The following EBLN1 variants were observed in gnomAD, a reference collection of about 807,000 sequenced individuals.
EBLN1 encodes the protein endogenous Bornavirus-like nucleoprotein 1.
A neutral mutation model predicts 0.8 loss-of-function variants in EBLN1; 1 was observed. The ratio of observed to expected loss-of-function variants is 1.32; its 90% CI spans 0.47 to 6.26. The LOEUF (loss-of-function observed/expected upper bound fraction) is 6.26. Ranked by LOEUF, EBLN1 falls within the 30% of genes most tolerant of loss-of-function variation. The pLI, the probability that EBLN1 is intolerant of heterozygous loss-of-function variation, is 0.15. For synonymous variants in EBLN1, 158 were observed against 158.5 expected, an observed-to-expected ratio of 1.00 and a Z score of 0.02; for missense variants, 396 against 447.9, an observed-to-expected ratio of 0.88 and a Z score of 1.05.
Position 22,209,936 on chromosome 10 carries a change from A to G in EBLN1, c.48T>C (p.Ser16=). The change falls in exon 3 of 3, where the codon AGT becomes AGC. Residue 16 remains serine (S), a synonymous_variant. Transcript: ENST00000422359. The part of the protein sequence containing the change: ...NNPQTSSPQD[S]TKDGSSFHYF... ...AATGGAAGCTGCTCCCATCCTTTGT[A>G]CTGTCTTGTGGGCTGCTGGTCTGTG... 6.9e-7 allele frequency: 1 copy of G among 1,455,760 alleles called. No homozygotes were observed. Among genetic ancestry groups the G allele is most frequent in the Non-Finnish European group, 9.0e-7 (1 of 1,110,608 alleles). The allele number at this position is 1,455,760 out of a possible 1,614,324, so 90.2% of individuals were successfully genotyped here. A position where few individuals can be genotyped will look rare whatever the true frequency, so the allele number is the denominator to read the frequency against.
At position 22,209,298 on chromosome 10, in the gene EBLN1, GCAA is replaced by G. The variant is rs1834723168; in HGVS notation, c.683_685del (p.Val228del). On this transcript the variant is annotated inframe_deletion, in exon 3 of 3. Transcript: ENST00000422359. ...GTAGGTCATCATCTGTGCTTTGCTGGCAACTACTTTAACTTGATCAAGTAGCTC... is the reference window on the plus strand; with the variant it reads ...GTAGGTCATCATCTGTGCTTTGCTGGCTACTTTAACTTGATCAAGTAGCTC... The G allele has an allele frequency of 6.3e-7, 1 of 1,596,988 alleles. No homozygotes were observed. Among genetic ancestry groups the G allele is most frequent in the Non-Finnish European group, 8.5e-7 (1 of 1,178,744 alleles).
chr10:22,214,750 G>T (rs1046935844), intron 1 of EBLN1, among the ~76,000 whole-genome samples: 18 of 152,184 alleles, frequency 1.2e-4, no homozygotes, highest in Non-Finnish European at 2.6e-4. Context: ...AATACTCAGC[G>T]TGGAGTTACC....
At position 22,209,856 on chromosome 10, in the gene EBLN1, G is replaced by C; in HGVS notation, c.128C>G (p.Ala43Gly). 1 of 1,526,762 alleles carries C rather than the reference G, an allele frequency of 6.5e-7. No homozygotes were observed. The highest frequency in any genetic ancestry group is 8.8e-7 in the Non-Finnish European group (1 of 1,142,820). 94.6% of individuals were successfully genotyped at this position (1,526,762 alleles called of 1,614,324 possible). The stretch of plus-strand genomic sequence containing the variant: ...TCCAATACCAGGTTGGGGCTCCAAT[G>C]CATCTGCTGGATACTGTCTGCTCTT... The part of the protein sequence containing the change: ...SGKSRQYPAD[A>G]LEPQPGIGDV... The change falls in exon 3 of 3, where the codon GCA (alanine) becomes GGA (glycine). Residue 43 changes from alanine (A) to glycine (G), a missense_variant. Ala to Gly is a moderately conservative substitution (Grantham distance 60, BLOSUM62 0). Coordinates refer to ENST00000422359, the MANE Select transcript of EBLN1 (RefSeq NM_001394757.1).
At chr10:22,215,985 TC>T (rs1332480187) in intron 1 of EBLN1, among the ~76,000 whole-genome samples, 5 of 152,176 alleles carry the variant, frequency 3.3e-5, no homozygotes, top group African/African-American at 1.2e-4. Flanking sequence ...ACTATTTTCT[TC>T]TTTTTTATAT....
chr10:22,216,510 A>C (rs1834793368), intron 1 of EBLN1, among the ~76,000 whole-genome samples: 1 of 152,228 alleles, frequency 6.6e-6, no homozygotes. Flanking sequence ...TTGCATCAAA[A>C]TGAGAATACT....
chr10:22,214,518 A>T lies in EBLN1; in HGVS notation c.-168-1553T>A, dbSNP rs138513112. Among the ~76,000 whole-genome samples the T allele has an allele frequency of 8.5e-3, 1,290 of 152,252 alleles. 20 individuals carry two copies. The highest frequency in any genetic ancestry group is 0.03 in the African/African-American group (1,227 of 41,556). ...ACAATGAAACAAGAGAAAATAAAAT[A>T]TTGACAGAACTGACAATGTAGAACT... On this transcript the variant is annotated intron_variant, in intron 1 of 2. Transcript: ENST00000422359.
At chr10:22,211,259 T>A (rs936038440) in intron 2 of EBLN1, among the ~76,000 whole-genome samples, 23 of 152,216 alleles carry the variant, frequency 1.5e-4, no homozygotes, top group Non-Finnish European at 3.4e-4. Flanking sequence ...TATTTTTCTT[T>A]GCATTAATTC....
chr10:22,213,482 A>G lies in EBLN1; in HGVS notation c.-168-517T>C, dbSNP rs1011072539. On this transcript the variant is annotated intron_variant, in intron 1 of 2. Transcript: ENST00000422359. ...AATAAAGGCAGCTCCAGAGCCCACT[A>G]CTCACCCAGGCTCCTTCCAAGATTA... 2.0e-5 allele frequency among the ~76,000 whole-genome samples: 3 copies of G among 152,104 alleles called. 1 individual carries two copies. The highest frequency in any genetic ancestry group is 2.0e-4 in the Admixed American group (3 of 15,278).
rs920199040 is a variant in EBLN1, at chr10:22,208,947, C to T, written c.1037G>A (p.Gly346Glu). The T allele has an allele frequency of 1.4e-5, 22 of 1,535,554 alleles. No homozygotes were observed. In the African/African-American group the frequency reaches 2.7e-4, roughly 19 times the overall value. ...QMASAQKISR[G>E]SDMDPYTLNI... ...AAGTGTATATGGATCCATGTCACTT[C>T]CTCTGGAGATTTTCTGAGCAGATGC... Residue 346 changes from glycine to glutamate, a missense_variant, in exon 3 of 3, where the codon GGA becomes GAA. Gly to Glu is a moderately conservative substitution (Grantham distance 98, BLOSUM62 -2). Transcript: ENST00000422359.
At chr10:22,212,727 A>G (rs1834764142) in intron 2 of EBLN1, among the ~76,000 whole-genome samples, 115 bp downstream of exon 2, 1 of 151,714 alleles carries the variant, frequency 6.6e-6, no homozygotes, top group South Asian at 2.1e-4. Context: ...AGGTGGGAGG[A>G]TCCCTTCAGT....
Position 22,209,070 on chromosome 10 carries a change from G to T in EBLN1, c.914C>A (p.Ala305Glu). ...ATTCCTTCTTTTGGCCCAGTAGTTT[G>T]CTGCTGTTGCTAGGTTTGGGAACAT... ...PQMFPNLATA[A>E]NYWAKRRNST... The change falls in exon 3 of 3, where the codon GCA becomes GAA. Residue 305 changes from alanine to glutamate, a missense_variant. Physicochemically the swap from Ala to Glu is moderately radical, Grantham distance 107. Transcript: ENST00000422359. The T allele has an allele frequency of 6.5e-7, 1 of 1,536,618 alleles. No homozygotes were observed.
Position 22,209,063 on chromosome 10 carries a change from G to A in EBLN1, c.921C>T (p.Tyr307=), listed in dbSNP as rs370831941. ...ATGTGGAATTCCTTCTTTTGGCCCA[G>A]TAGTTTGCTGCTGTTGCTAGGTTTG... The part of the protein sequence containing the change: ...MFPNLATAAN[Y]WAKRRNSTFS... The change falls in exon 3 of 3, where the codon TAC becomes TAT. Residue 307 remains tyrosine, a synonymous_variant. Transcript: ENST00000422359. 2.0e-5 allele frequency: 31 copies of A among 1,536,604 alleles called. 1 individual carries two copies. The African/African-American group carries it at 3.0e-4, about 15-fold the overall frequency.
chr10:22,209,647 T>C lies in EBLN1; in HGVS notation c.337A>G (p.Thr113Ala). The C allele has an allele frequency of 6.5e-7, 1 of 1,535,844 alleles. No homozygotes were observed. Among genetic ancestry groups the C allele is most frequent in the African/African-American group, 1.4e-5 (1 of 73,174 alleles). ...NIVIGNENKE[T>A]GTLYASKFED... ...AATTTGCTAGCATAGAGAGTACCTG[T>C]TTCCTTGTTCTCATTCCCAATCACA... The change falls in exon 3 of 3, where the codon ACA (threonine) becomes GCA (alanine). Residue 113 changes from threonine to alanine, a missense_variant. Coordinates refer to ENST00000422359, the MANE Select transcript of EBLN1 (RefSeq NM_001394757.1).
intron 1 of EBLN1, among the ~76,000 whole-genome samples, chr10:22,214,271 T>TTTTTTGA (rs1223398395): frequency 2.1e-5 from 3 of 141,110 alleles, no homozygotes; most frequent in African/African-American, 8.2e-5. Context: ...AGAGGAATAG[T>TTTTTTGA]TTTTTGATTT....
At chr10:22,213,149 T>A (rs959388397) in intron 1 of EBLN1, among the ~76,000 whole-genome samples, 184 bp from the exon 2 acceptor site, 4 of 151,090 alleles carry the variant, frequency 2.6e-5, no homozygotes, top group African/African-American at 9.9e-5. Context: ...ACTCCTTTGT[T>A]TAGCTTATCA....
intron 1 of EBLN1, among the ~76,000 whole-genome samples, chr10:22,216,393 T>C (rs1489648424): frequency 6.6e-6 from 1 of 152,206 alleles, no homozygotes; most frequent in Non-Finnish European, 1.5e-5. Flanking sequence ...ACTGTTTCAA[T>C]CTAGATTTGT....
Position 22,208,873 on chromosome 10 carries a change from C to T in EBLN1, c.*10G>A, listed in dbSNP as rs1160578192. The T allele has an allele frequency of 2.6e-6, 4 of 1,511,440 alleles. No homozygotes were observed. The highest frequency in any genetic ancestry group is 2.6e-6 in the Non-Finnish European group (3 of 1,135,780). The allele number at this position is 1,511,440 out of a possible 1,614,324, so 93.6% of individuals were successfully genotyped here. On this transcript the variant is annotated 3_prime_UTR_variant, in exon 3 of 3. Transcript: ENST00000422359. The stretch of plus-strand genomic sequence containing the variant: ...TTATATGTATATATAAGGATTAGTT[C>T]ACGTATTTGTTATTCAAATCCCGAA...
intron 1 of EBLN1, among the ~76,000 whole-genome samples, chr10:22,216,285 A>G (rs772265824): frequency 1.4e-4 from 22 of 152,170 alleles, no homozygotes; most frequent in Non-Finnish European, 3.1e-4. Context: ...AAACAAAAAC[A>G]AATTAGTGAT....
At chr10:22,217,103 TTA>T (rs200762981) in intron 1 of EBLN1, among the ~76,000 whole-genome samples, 2 of 151,984 alleles carry the variant, frequency 1.3e-5, no homozygotes, top group Admixed American at 6.6e-5. Context: ...CAGAAATTAT[TTA>T]TATATATATG....
Sources: gnomAD v4.1 joint callset for allele counts (sites outside exome capture counted in the v4.1 genomes callset) on GRCh38, gnomAD v4.1.1 for gene constraint, MANE v1.5 for transcripts, NCBI Gene and HGNC (gene_info 2026-07-23, HGNC 2026-07-21) for gene names.